Variants in CHRNA6 observed in about 807,000 individuals in gnomAD.
CHRNA6 encodes cholinergic receptor nicotinic alpha 6 subunit, also known as neuronal acetylcholine receptor subunit alpha-6.
In CHRNA6, 31 loss-of-function variants were observed where a neutral mutation model predicts 40.9. The ratio of observed to expected loss-of-function variants is 0.76; its 90% confidence interval spans 0.57 to 1.02. The LOEUF (loss-of-function observed/expected upper bound fraction) is 1.02, where lower values mean the gene tolerates loss of function less well. Ranked by LOEUF, CHRNA6 falls within the 50% of genes least tolerant of loss-of-function variation. The probability of loss-of-function intolerance (pLI) is 0.00; values close to 1 mark genes in which losing one functional copy is unlikely to be tolerated. For synonymous variants in CHRNA6, 222 were observed against 221.3 expected, an observed-to-expected ratio of 1.00 and a Z score of -0.03; for missense variants, 546 against 596.6, an observed-to-expected ratio of 0.92 and a Z score of 0.88.
intron 1 of CHRNA6, among the ~76,000 whole-genome samples, chr8:42,766,541 T>C (rs1816978601): frequency 1.3e-5 from 2 of 151,010 alleles, no homozygotes; most frequent in African/African-American, 4.9e-5. Flanking sequence ...ATATGCACCA[T>C]GCAATACTAT....
chr8:42,765,214 C>G lies in CHRNA6; in HGVS notation c.80-10G>C, dbSNP rs747698635. On this transcript the variant is annotated splice_polypyrimidine_tract_variant and intron_variant, in intron 1 of 5. Transcript: ENST00000276410. ...GCACAGCCCACACAGCCTGTGAGGC[C>G]AAACAAAGGGGAGAGTTAGAGCCAG... The G allele has an allele frequency of 1.2e-6, 2 of 1,612,714 alleles. No individual in the cohort carries two copies. The highest frequency in any genetic ancestry group is 4.5e-5 in the East Asian group (2 of 44,862).
In CHRNA6 at chr8:42,752,741, A is replaced by G. The variant is rs1264201212; in HGVS notation, c.*438T>C. The G allele has an allele frequency of 1.3e-5, 2 of 156,406 alleles. No homozygotes were observed. The highest frequency in any genetic ancestry group is 4.8e-5 in the African/African-American group (2 of 41,472). The allele number at this position is 156,406 out of a possible 1,614,324, so 9.7% of individuals were successfully genotyped here. Reference sequence around the variant, plus strand: ...TGCAATAGTTCACAAAGTGTTGCAAACAGTTCACAAATGTTGCATGGTCCA... The same window carrying G: ...TGCAATAGTTCACAAAGTGTTGCAAGCAGTTCACAAATGTTGCATGGTCCA... On this transcript the variant is annotated 3_prime_UTR_variant, in exon 6 of 6. Coordinates refer to ENST00000276410, the MANE Select transcript of CHRNA6 (RefSeq NM_004198.3).
In CHRNA6 at chr8:42,753,273, T is replaced by C; in HGVS notation, c.1391A>G (p.Asp464Gly). Residue 464 changes from aspartate (D) to glycine (G), a missense_variant, in exon 6 of 6, where the codon GAC (aspartate) becomes GGC (glycine). Around this residue, in one of 3 missense-constraint regions of CHRNA6, gnomAD observed 65 missense variants for 83.8 expected, o/e 0.78. Coordinates refer to ENST00000276410, the MANE Select transcript of CHRNA6 (RefSeq NM_004198.3). ...TATAAATACCCAAAGAAATACTCTG[T>C]CCACCACCATGGCCACGTATTTCCA... ...DDWKYVAMVV[D>G]RVFLWVFIIV... 6.2e-7 allele frequency: 1 copy of C among 1,611,298 alleles called. No individual in the cohort carries two copies.
chr8:42,765,057 G>T lies in CHRNA6; in HGVS notation c.219+8C>A. 1 of 1,613,818 alleles carries T rather than the reference G, an allele frequency of 6.2e-7. No homozygotes were observed. Among genetic ancestry groups the T allele is most frequent in the Non-Finnish European group, 8.5e-7 (1 of 1,179,796 alleles). On this transcript the variant is annotated splice_region_variant and intron_variant, in intron 2 of 5. Coordinates refer to ENST00000276410, the MANE Select transcript of CHRNA6 (RefSeq NM_004198.3). Reference sequence around the variant, plus strand: ...TGCTGGGGAAAGCTCTGATCAGAGGGCACTCACCACGTTGGCCAGCTGGGT... The same window carrying T: ...TGCTGGGGAAAGCTCTGATCAGAGGTCACTCACCACGTTGGCCAGCTGGGT...
intron 2 of CHRNA6, 64 bp from the exon 3 acceptor site, chr8:42,759,177 A>G: frequency 7.9e-7 from 1 of 1,272,792 alleles, no homozygotes; most frequent in Non-Finnish European, 1.1e-6. Context: ...GACTTAGAGC[A>G]AAAATTACAA....
In CHRNA6 at chr8:42,756,334, T is replaced by C. The variant is rs544312612; in HGVS notation, c.865A>G (p.Ile289Val). 1.2e-6 allele frequency: 2 copies of C among 1,614,236 alleles called. No homozygotes were observed. The highest frequency in any genetic ancestry group is 8.5e-7 in the Non-Finnish European group (1 of 1,180,042). Residue 289 changes from isoleucine to valine, a missense_variant, in exon 5 of 6, where the codon ATC becomes GTC. Physicochemically the swap from Ile to Val is conservative, Grantham distance 29. Transcript: ENST00000276410. ...LLSLTVFLLVITETIPSTSLV... is the reference protein window; with the variant it reads ...LLSLTVFLLVVTETIPSTSLV... Reference sequence around the variant, plus strand: ...GATGTGGATGGGATGGTTTCTGTGATGACCAGCAAAAACACAGTCAGAGAA... The same window carrying C: ...GATGTGGATGGGATGGTTTCTGTGACGACCAGCAAAAACACAGTCAGAGAA...
chr8:42,760,495 T>C (rs1816888381), intron 2 of CHRNA6, among the ~76,000 whole-genome samples: 1 of 151,580 alleles, frequency 6.6e-6, no homozygotes, highest in Non-Finnish European at 1.5e-5. Context: ...CTCATGCACA[T>C]GCACTCACTC....
intron 2 of CHRNA6, among the ~76,000 whole-genome samples, chr8:42,760,619 CAT>C (rs1268969571): frequency 2.6e-5 from 4 of 152,080 alleles, no homozygotes; most frequent in Non-Finnish European, 4.4e-5. Context: ...CAAACACACT[CAT>C]GCACACACAC....
At position 42,756,183 on chromosome 8, in the gene CHRNA6, C is replaced by G. The variant is rs1410996394; in HGVS notation, c.1016G>C (p.Arg339Thr). The G allele has an allele frequency of 6.2e-7, 1 of 1,614,244 alleles. No homozygotes were observed. The highest frequency in any genetic ancestry group is 1.1e-5 in the South Asian group (1 of 91,080). ...YRTPTTHTMP[R>T]WVKTVFLKLL... ...CTTCAGGAAAACTGTCTTCACCCAC[C>G]TGGGCATTGTGTGCGTGGTTGGGGT... The change falls in exon 5 of 6, where the codon AGG becomes ACG. Residue 339 changes from arginine (R) to threonine (T), a missense_variant. Physicochemically the swap from Arg to Thr is moderately conservative, Grantham distance 71. Transcript: ENST00000276410.
Position 42,765,110 on chromosome 8 carries a change from A to G in CHRNA6, c.174T>C (p.Pro58=), listed in dbSNP as rs1465741577. The change falls in exon 2 of 6, where the codon CCT becomes CCC. Residue 58 remains proline, a synonymous_variant. Transcript: ENST00000276410. The part of the protein sequence containing the change: ...FIRPVENVSD[P]VTVHFEVAIT... ...TGGCCACTTCAAAGTGTACCGTGAC[A>G]GGGTCGGAAACGTTTTCCACAGGCC... 5 of 1,614,108 alleles carry G rather than the reference A, an allele frequency of 3.1e-6. No individual in the cohort carries two copies. The highest frequency in any genetic ancestry group is 1.1e-5 in the South Asian group (1 of 91,088).
chr8:42,755,149 G>T (rs1816775762), intron 5 of CHRNA6, among the ~76,000 whole-genome samples: 1 of 149,426 alleles, frequency 6.7e-6, no homozygotes, highest in African/African-American at 2.5e-5. Flanking sequence ...CCCTTGAGTG[G>T]CTGGGACTAC....
chr8:42,753,351 A>G, intron 5 of CHRNA6, 41 bp from the exon 6 acceptor site: 1 of 1,570,500 alleles, frequency 6.4e-7, no homozygotes, highest in Non-Finnish European at 8.6e-7. Flanking sequence ...TTAAAAAACC[A>G]AAACCATAAG....
At chr8:42,755,809 G>T in intron 5 of CHRNA6, 37 bp downstream of exon 5, 1 of 1,585,200 alleles carries the variant, frequency 6.3e-7, no homozygotes, top group South Asian at 1.2e-5. Context: ...GGCTGCAAAG[G>T]GTGCAAGCTG....
intron 2 of CHRNA6, among the ~76,000 whole-genome samples, chr8:42,762,903 C>T (rs1014531199): frequency 9.2e-5 from 14 of 152,092 alleles, no homozygotes; most frequent in Non-Finnish European, 1.6e-4. Flanking sequence ...GGGATCCCTC[C>T]GTTATTTCTT....
At chr8:42,758,179 T>A (rs1194723266) in intron 3 of CHRNA6, among the ~76,000 whole-genome samples, 1 of 152,212 alleles carries the variant, frequency 6.6e-6, no homozygotes, top group African/African-American at 2.4e-5. Context: ...AATATTTCAT[T>A]AGATAATTAT....
intron 4 of CHRNA6, 26 bp from the exon 5 acceptor site, chr8:42,756,850 G>A: frequency 6.2e-7 from 1 of 1,608,580 alleles, no homozygotes; most frequent in Non-Finnish European, 8.5e-7. Context: ...GACACCATTA[G>A]TAACACTCCC....
Position 42,756,369 on chromosome 8 carries a change from GA to G in CHRNA6, c.829del (p.Ser277GlnfsTer6). On this transcript the variant is annotated frameshift_variant, in exon 5 of 6. Transcript: ENST00000276410. LOFTEE classifies it high-confidence loss of function. ...DCGEKVTLCISVLLSLTVFLL... is the reference protein window; with the variant it reads ...DCGEKVTLCIXVLLSLTVFLL... ...AAACACAGTCAGAGAAAGCAGGACT[GA>G]AATACAAAGCGTCACTTTTTCACCA... is the stretch of plus-strand genomic sequence containing the variant. 1.2e-6 allele frequency: 2 copies of G among 1,614,242 alleles called. No individual in the cohort carries two copies. Among genetic ancestry groups the G allele is most frequent in the Non-Finnish European group, 1.7e-6 (2 of 1,180,044 alleles).
intron 3 of CHRNA6, among the ~76,000 whole-genome samples, chr8:42,758,485 G>A (rs1381684309): frequency 1.9e-4 from 29 of 151,932 alleles, no homozygotes; most frequent in South Asian, 2.1e-4. Context: ...TCAGCCTCCC[G>A]AGTAGCTGGG....
At position 42,756,231 on chromosome 8, in the gene CHRNA6, AAC is replaced by A. The variant is rs1816796917; in HGVS notation, c.966_967del (p.Phe323CysfsTer45). ...GGTGCGGTAGTGTATGTTCAACACA[AAC>A]ACAGTCACCACGATGGACAGTGTGA... is the stretch of plus-strand genomic sequence containing the variant. On this transcript the variant is annotated frameshift_variant, in exon 5 of 6. Transcript: ENST00000276410. LOFTEE classifies it high-confidence loss of function. 5 of 1,614,116 alleles carry A rather than the reference AAC, an allele frequency of 3.1e-6. No homozygotes were observed. The highest frequency in any genetic ancestry group is 2.7e-5 in the African/African-American group (2 of 74,946).
Sources: allele counts gnomAD v4.1 joint callset (sites outside exome capture counted in the v4.1 genomes callset), GRCh38; gene constraint gnomAD v4.1.1; regional missense constraint gnomAD v4.1.1; transcripts MANE v1.5; gene names NCBI Gene and HGNC (gene_info 2026-07-23, HGNC 2026-07-21).